OXR1: variants seen among roughly 807,000 people sequenced by gnomAD.
The protein encoded by OXR1 is oxidation resistance 1.
OXR1 carries 41 observed loss-of-function variants against 104.6 expected under a neutral mutation model. That is an observed-to-expected ratio of 0.39 (90% CI 0.31 to 0.51). The LOEUF (loss-of-function observed/expected upper bound fraction) is 0.51, where lower values mean the gene tolerates loss of function less well. OXR1 is among the 20% of genes least tolerant of loss of function. OXR1 has a pLI of 0.77. For synonymous variants in OXR1, 348 were observed against 348.4 expected (o/e 1.00, Z 0.01); for missense variants, 955 against 1,031.9 (o/e 0.93, Z 1.02).
At chr8:106,661,573 C>T (rs1201695659) in intron 3 of OXR1, among the ~76,000 whole-genome samples, 3 of 152,256 alleles carry the variant, frequency 2.0e-5, no homozygotes, top group South Asian at 2.1e-4. Flanking sequence ...AAAGTACTCA[C>T]TTCACTAGAT....
intron 3 of OXR1, among the ~76,000 whole-genome samples, chr8:106,590,023 T>C (rs1439073683): frequency 6.6e-6 from 1 of 152,070 alleles, no homozygotes; most frequent in Non-Finnish European, 1.5e-5. Context: ...AAGCAGGAAA[T>C]AATCTTCTCT....
At chr8:106,527,646 C>T (rs1813790896) in intron 3 of OXR1, among the ~76,000 whole-genome samples, 1 of 152,180 alleles carries the variant, frequency 6.6e-6, no homozygotes, top group Non-Finnish European at 1.5e-5. Context: ...CACCTGGCCA[C>T]AACTTCTCTA....
intron 2 of OXR1, among the ~76,000 whole-genome samples, chr8:106,385,667 C>G (rs1267819353): frequency 1.3e-5 from 2 of 152,100 alleles, no homozygotes; most frequent in African/African-American, 4.8e-5. Flanking sequence ...TAAAATGTGA[C>G]TTGAAACTGA....
At chr8:106,374,713 T>C (rs7836368) in intron 2 of OXR1, among the ~76,000 whole-genome samples, 14,944 of 152,214 alleles carry the variant, frequency 0.098, 1,219 homozygotes, top group African/African-American at 0.22. Context: ...CAGAGCAGCC[T>C]AGCAGCAGCA....
At chr8:106,332,103 T>C (rs191380623) in intron 1 of OXR1, among the ~76,000 whole-genome samples, 36 of 151,570 alleles carry the variant, frequency 2.4e-4, no homozygotes, top group Non-Finnish European at 4.4e-4. Context: ...AAATAAGTGA[T>C]AAATTTTTTT....
At chr8:106,470,749 T>C (rs1821448167) in intron 2 of OXR1, among the ~76,000 whole-genome samples, 1 of 151,704 alleles carries the variant, frequency 6.6e-6, no homozygotes, top group Non-Finnish European at 1.5e-5. Flanking sequence ...AAGAGGTGGA[T>C]CTAGCAAAAG....
At chr8:106,301,048 T>C (rs944767415) in intron 1 of OXR1, among the ~76,000 whole-genome samples, 6 of 152,158 alleles carry the variant, frequency 3.9e-5, no homozygotes, top group African/African-American at 1.4e-4. Flanking sequence ...GGTACAAAAA[T>C]GTAAGTGATA....
At chr8:106,564,045 T>C (rs183164975) in intron 3 of OXR1, among the ~76,000 whole-genome samples, 33 of 152,158 alleles carry the variant, frequency 2.2e-4, no homozygotes, top group Non-Finnish European at 4.3e-4. Flanking sequence ...AGGAAAGACA[T>C]TGAATCGACA....
intron 1 of OXR1, among the ~76,000 whole-genome samples, chr8:106,334,215 A>T (rs965621749): frequency 6.6e-6 from 1 of 151,986 alleles, no homozygotes; most frequent in Non-Finnish European, 1.5e-5. Context: ...TTTATACTTG[A>T]TTGCTATTTT....
At chr8:106,311,622 C>T (rs1202453404) in intron 1 of OXR1, among the ~76,000 whole-genome samples, 2 of 152,066 alleles carry the variant, frequency 1.3e-5, no homozygotes, top group East Asian at 3.9e-4. Context: ...GAGGTGTAGT[C>T]ATCTGGTTGC....
chr8:106,323,140 C>A (rs1013385222), intron 1 of OXR1, among the ~76,000 whole-genome samples: 3 of 152,160 alleles, frequency 2.0e-5, no homozygotes, highest in Admixed American at 6.5e-5. Flanking sequence ...TCAGACTATA[C>A]TACAAGGCTA....
chr8:106,467,393 T>C (rs1178607470), intron 2 of OXR1, among the ~76,000 whole-genome samples: 2 of 151,880 alleles, frequency 1.3e-5, no homozygotes, highest in African/African-American at 4.8e-5. Flanking sequence ...GTCTCAAAGT[T>C]GCTTTTACCC....
At chr8:106,734,957 T>C (rs1834234729) in intron 11 of OXR1, among the ~76,000 whole-genome samples, 1 of 152,200 alleles carries the variant, frequency 6.6e-6, no homozygotes, top group Non-Finnish European at 1.5e-5. Context: ...AACTGTTTAC[T>C]CCTAATAATT....
chr8:106,421,942 C>G (rs1586627422), intron 2 of OXR1, among the ~76,000 whole-genome samples: 1 of 151,940 alleles, frequency 6.6e-6, no homozygotes, highest in South Asian at 2.1e-4. Context: ...GATTATTTGG[C>G]TGTTTGGGGT....
chr8:106,487,069 G>C (rs1563554651), intron 2 of OXR1, among the ~76,000 whole-genome samples: 3 of 148,638 alleles, frequency 2.0e-5, no homozygotes, highest in Admixed American at 6.8e-5. Context: ...TGTCACCCAG[G>C]CTGGAGAGCA....
chr8:106,508,906 G>A (rs1812345116), intron 2 of OXR1, among the ~76,000 whole-genome samples: 1 of 152,172 alleles, frequency 6.6e-6, no homozygotes, highest in Non-Finnish European at 1.5e-5. Flanking sequence ...TCTTGATTAA[G>A]TTTGGAGTTG....
chr8:106,697,932 C>G, intron 7 of OXR1: 1 of 1,612,226 alleles, frequency 6.2e-7, no homozygotes, highest in South Asian at 1.1e-5. Flanking sequence ...TCAGGATCTG[C>G]TCCAGATCTG....
intron 3 of OXR1, among the ~76,000 whole-genome samples, chr8:106,558,052 A>G (rs563922430): frequency 1.6e-4 from 24 of 152,180 alleles, no homozygotes; most frequent in Non-Finnish European, 3.1e-4. Flanking sequence ...CACTGAGTAG[A>G]TTTTTTTAAC....
intron 3 of OXR1, among the ~76,000 whole-genome samples, chr8:106,641,238 A>C (rs755626776): frequency 3.9e-5 from 6 of 152,202 alleles, no homozygotes; most frequent in Non-Finnish European, 8.8e-5. Flanking sequence ...TCAAACTGGT[A>C]TAAAGAAGGC....
Sources: allele counts gnomAD v4.1 joint callset (sites outside exome capture counted in the v4.1 genomes callset), GRCh38; gene constraint gnomAD v4.1.1; transcripts MANE v1.5; gene names NCBI Gene and HGNC (gene_info 2026-07-23, HGNC 2026-07-21).